The following ESR1 variants were observed in gnomAD, a reference collection of about 807,000 sequenced individuals.
The protein encoded by ESR1 is estrogen receptor 1.
In ESR1, 12 loss-of-function variants were observed where a neutral mutation model predicts 52.7. That is an observed-to-expected ratio of 0.23 (90% CI 0.15 to 0.37). ESR1 has a LOEUF of 0.37. Among genes scored for constraint, ESR1 ranks in the 10% least tolerant of loss-of-function variants. The pLI, the probability that ESR1 is intolerant of heterozygous loss-of-function variation, is 1.00. For missense variants in ESR1, 584 were observed against 779.7 expected (o/e 0.75, Z 2.99); for synonymous variants, 305 against 316.8 (o/e 0.96, Z 0.39).
chr6:151,951,654 T>G (rs2036338455), intron 4 of ESR1, among the ~76,000 whole-genome samples: 1 of 152,172 alleles, frequency 6.6e-6, no homozygotes, highest in African/African-American at 2.4e-5. Context: ...TCAAAATTGT[T>G]CCCCAAGAGT....
intron 1 of ESR1, among the ~76,000 whole-genome samples, chr6:151,684,903 G>A (rs1778596390): frequency 1.3e-5 from 2 of 152,114 alleles, no homozygotes; most frequent in Non-Finnish European, 2.9e-5. Context: ...GAAGCCTCAA[G>A]GCAGGCGCTT....
upstream of ESR1, among the ~76,000 whole-genome samples, chr6:151,802,435 G>A (rs1263579672): frequency 1.3e-5 from 2 of 152,186 alleles, no homozygotes; most frequent in Non-Finnish European, 2.9e-5. Context: ...AAGCTATTAC[G>A]GAGATAGTTC....
chr6:152,090,356 C>A (rs78267393), intron 6 of ESR1, among the ~76,000 whole-genome samples: 104 of 152,272 alleles, frequency 6.8e-4, no homozygotes, highest in Middle Eastern at 3.4e-3. Context: ...GATCAAGATG[C>A]GATAGAATGA....
chr6:152,121,354 C>T (rs1179578602), intron 6 of ESR1, among the ~76,000 whole-genome samples: 5 of 152,126 alleles, frequency 3.3e-5, no homozygotes, highest in African/African-American at 7.2e-5. Flanking sequence ...GTTGTCTGCT[C>T]GCAATGGAAT....
At chr6:151,754,086 G>A (rs1784103167) in intron 2 of ESR1, among the ~76,000 whole-genome samples, 1 of 152,164 alleles carries the variant, frequency 6.6e-6, no homozygotes, top group Non-Finnish European at 1.5e-5. Flanking sequence ...CAGCAGGAAG[G>A]ACAGAGTAAA....
chr6:151,967,242 G>A (rs1023354652), intron 4 of ESR1, among the ~76,000 whole-genome samples: 2 of 152,088 alleles, frequency 1.3e-5, no homozygotes, highest in Non-Finnish European at 2.9e-5. Context: ...ATGCAGGTTT[G>A]TTACATAGGT....
intron 4 of ESR1, among the ~76,000 whole-genome samples, chr6:151,978,128 C>G (rs780894045): frequency 2.0e-5 from 3 of 151,886 alleles, no homozygotes; most frequent in Non-Finnish European, 4.4e-5. Flanking sequence ...TAGAAGGGTG[C>G]TTGAAATGCA....
chr6:151,736,697 G>A lies in ESR1; in HGVS notation c.-71+34692G>A, dbSNP rs115525394. 8.5e-3 allele frequency among the ~76,000 whole-genome samples: 1,300 copies of A among 152,124 alleles called. 21 individuals carry two copies. The highest frequency in any genetic ancestry group is 0.029 in the African/African-American group (1,189 of 41,482). On this transcript the variant is annotated intron_variant, in intron 2 of 2. Coordinates refer to the ESR1 transcript ENST00000404742. ...CCTGGCCCAGGTAGTGTTCTAAGGG[G>A]CATGCTTCCATTAATTCATGGAATT...
At chr6:152,062,423 A>T (rs2047619458) in intron 6 of ESR1, among the ~76,000 whole-genome samples, 1 of 152,222 alleles carries the variant, frequency 6.6e-6, no homozygotes, top group Non-Finnish European at 1.5e-5. Flanking sequence ...TCAACTAATA[A>T]ATGGAAATCT....
At chr6:151,785,785 G>T (rs1786964687) in intron 2 of ESR1, among the ~76,000 whole-genome samples, 1 of 152,182 alleles carries the variant, frequency 6.6e-6, no homozygotes, top group Admixed American at 6.5e-5. Context: ...AGCAATCCTG[G>T]ACTGCATTGT....
intron 2 of ESR1, among the ~76,000 whole-genome samples, chr6:151,770,976 T>G (rs1181923490): frequency 6.6e-6 from 1 of 152,172 alleles, no homozygotes; most frequent in Non-Finnish European, 1.5e-5. Flanking sequence ...ACAGTAGACA[T>G]ATAAAGAAAG....
chr6:151,822,482 C>T (rs1274850606), intron 1 of ESR1, among the ~76,000 whole-genome samples: 1 of 152,156 alleles, frequency 6.6e-6, no homozygotes, highest in Admixed American at 6.5e-5. Flanking sequence ...TCTGGTGATT[C>T]CTTGGAGACA....
Position 152,053,468 on chromosome 6 carries a change from C to T in ESR1, c.1236-7523C>T, listed in dbSNP as rs1232211890. On this transcript the variant is annotated intron_variant, in intron 5 of 7. Transcript: ENST00000206249. The surrounding 1 kb of genome is among the most constrained non-coding windows in gnomAD (Gnocchi z 4.1). ...TCCCTCAGTCTCTCTTTCTCTTTCC[C>T]TCTCTCTCAATCTTTCTCTTCCTCA... is the stretch of plus-strand genomic sequence containing the variant. 6.6e-6 allele frequency among the ~76,000 whole-genome samples: 1 copy of T among 151,768 alleles called. No individual in the cohort carries two copies. The highest frequency in any genetic ancestry group is 2.4e-5 in the African/African-American group (1 of 41,278).
chr6:152,039,020 G>T (rs2179923), intron 5 of ESR1, among the ~76,000 whole-genome samples: 66,858 of 152,070 alleles, frequency 0.44, 16,648 homozygotes, highest in African/African-American at 0.67. Context: ...AGTGTATACA[G>T]GCAGAAAGAT....
chr6:151,828,354 GT>G (rs1328529689), intron 1 of ESR1, among the ~76,000 whole-genome samples: 40 of 152,340 alleles, frequency 2.6e-4, no homozygotes, highest in African/African-American at 9.6e-4. Context: ...GTAGCTTTCA[GT>G]GCAGTGTGAT....
intron 6 of ESR1, chr6:152,112,824 A>G (rs1362525141): frequency 6.6e-6 from 1 of 152,252 alleles, no homozygotes; most frequent in Non-Finnish European, 1.5e-5. Flanking sequence ...CCACTGCAAA[A>G]GACCATGCCA....
At chr6:152,031,168 T>G (rs1158588947) in intron 5 of ESR1, among the ~76,000 whole-genome samples, 1 of 152,174 alleles carries the variant, frequency 6.6e-6, no homozygotes, top group Non-Finnish European at 1.5e-5. Context: ...TAGCACTAAA[T>G]GCCCGCAAGA....
chr6:151,870,944 T>G (rs1394715073), intron 2 of ESR1, among the ~76,000 whole-genome samples: 2 of 151,960 alleles, frequency 1.3e-5, no homozygotes, highest in East Asian at 3.9e-4. Context: ...CTCGACCTCC[T>G]AGGATCAAGT....
chr6:152,030,017 C>T (rs1458899012), intron 5 of ESR1, among the ~76,000 whole-genome samples: 1 of 152,160 alleles, frequency 6.6e-6, no homozygotes, highest in Non-Finnish European at 1.5e-5. Context: ...ATTTTCAACC[C>T]AGAATCTCAT....
Sources: allele counts gnomAD v4.1 joint callset (sites outside exome capture counted in the v4.1 genomes callset), GRCh38; gene constraint gnomAD v4.1.1; non-coding constraint Gnocchi (gnomAD v3.1); transcripts MANE v1.5; gene names NCBI Gene and HGNC (gene_info 2026-07-23, HGNC 2026-07-21).